The following NTN1 variants were observed in gnomAD, a reference collection of about 807,000 sequenced individuals.
NTN1 encodes the protein netrin-1.
Under a neutral mutation model 54.2 loss-of-function variants are expected in NTN1, and 11 were observed. The ratio of observed to expected loss-of-function variants is 0.20; its 90% CI spans 0.13 to 0.34. NTN1 has a LOEUF of 0.34. NTN1 is among the 10% of genes least tolerant of loss of function. The probability of loss-of-function intolerance (pLI) is 1.00; values close to 1 mark genes in which losing one functional copy is unlikely to be tolerated. For synonymous variants in NTN1, 371 were observed against 382.0 expected (o/e 0.97, Z 0.33); for missense variants, 740 against 893.1 (o/e 0.83, Z 2.18).
At chr17:9,137,618 C>T (rs887247914) in intron 2 of NTN1, among the ~76,000 whole-genome samples, 1 of 152,110 alleles carries the variant, frequency 6.6e-6, no homozygotes, top group African/African-American at 2.4e-5. Context: ...CATGGTGAAA[C>T]CCTGTCTCTA....
chr17:9,060,102 G>A (rs909788854), intron 2 of NTN1, among the ~76,000 whole-genome samples: 1 of 152,064 alleles, frequency 6.6e-6, no homozygotes, highest in Non-Finnish European at 1.5e-5. Flanking sequence ...GTTGGCCCTC[G>A]AACAACACAG....
At chr17:9,218,959 C>G (rs771992354) in intron 5 of NTN1, among the ~76,000 whole-genome samples, 1 of 152,056 alleles carries the variant, frequency 6.6e-6, no homozygotes, top group Non-Finnish European at 1.5e-5. Flanking sequence ...TGAAGGCCAC[C>G]CCTGCAAGAA....
rs1172704292 is a variant in NTN1, at chr17:9,234,964, G to T, written c.1487-4676G>T. On this transcript the variant is annotated intron_variant, in intron 6 of 6. Transcript: ENST00000173229. ...TTTTTTGTCTGTTTTTTGTTTTTTG[G>T]TTTTTTTTTTTTTTTGAGATGGAGT... Among the ~76,000 whole-genome samples the T allele has an allele frequency of 3.7e-3, 485 of 130,076 alleles. 7 individuals are homozygous for T. The highest frequency in any genetic ancestry group is 0.012 in the African/African-American group (421 of 33,908). 85.3% of individuals were successfully genotyped at this position (130,076 alleles called of 152,430 possible). A position where few individuals can be genotyped will look rare whatever the true frequency, so the allele number is the denominator to read the frequency against.
rs117204057 is a variant in NTN1 at position 9,048,511 on chromosome 17, C to T, written c.1018+25120C>T. 6.1e-4 allele frequency among the ~76,000 whole-genome samples: 93 copies of T among 152,244 alleles called. No individual in the cohort carries two copies. The East Asian group carries it at 0.015, about 25-fold the overall frequency. On this transcript the variant is annotated intron_variant, in intron 2 of 6. Transcript: ENST00000173229. ...AAATGAGCATTGGCTTTAACTTAAACTCACCTGCTGTATTAGCCCCTACAT... is the reference window on the plus strand; with the variant it reads ...AAATGAGCATTGGCTTTAACTTAAATTCACCTGCTGTATTAGCCCCTACAT...
intron 2 of NTN1, among the ~76,000 whole-genome samples, chr17:9,118,188 A>G (rs1157669667): frequency 6.6e-6 from 1 of 152,196 alleles, no homozygotes; most frequent in Non-Finnish European, 1.5e-5. Context: ...AGCTTTATTG[A>G]GATATAATCC....
the NTN1 span, among the ~76,000 whole-genome samples, chr17:9,008,476 C>G: frequency 6.6e-6 from 1 of 151,744 alleles, no homozygotes; most frequent in Non-Finnish European, 1.5e-5. Flanking sequence ...TGTGTCACCA[C>G]GCCCAGCTGA....
intron 2 of NTN1, among the ~76,000 whole-genome samples, chr17:9,079,556 C>T (rs1194563348): frequency 6.6e-6 from 1 of 152,206 alleles, no homozygotes; most frequent in Non-Finnish European, 1.5e-5. Flanking sequence ...ATTTTCTGGC[C>T]CTTGAGGAAG....
chr17:9,149,115 C>T (rs1356152465), intron 2 of NTN1, among the ~76,000 whole-genome samples: 8 of 152,184 alleles, frequency 5.3e-5, no homozygotes, highest in Non-Finnish European at 1.0e-4. Context: ...TGACGGGAGC[C>T]ATTACAGATG....
At chr17:9,067,935 CAT>C (rs2092020540) in intron 2 of NTN1, among the ~76,000 whole-genome samples, 1 of 152,148 alleles carries the variant, frequency 6.6e-6, no homozygotes, top group Admixed American at 6.5e-5. Flanking sequence ...TTGAAGATAT[CAT>C]AAACCGGGCA....
rs118081951 is a variant in NTN1 at position 9,220,168 on chromosome 17, G to T, written c.1412-1000G>T. On this transcript the variant is annotated intron_variant, in intron 5 of 6. Coordinates refer to ENST00000173229, the MANE Select transcript of NTN1 (RefSeq NM_004822.3). ...TTGGCATCTCAGGCCAGCCTTGGCAGTAGCTACCCAGAGTGCACTGGGCAG... is the reference window on the plus strand; with the variant it reads ...TTGGCATCTCAGGCCAGCCTTGGCATTAGCTACCCAGAGTGCACTGGGCAG... Among the ~76,000 whole-genome samples, 5 of 152,378 alleles carry T rather than the reference G, an allele frequency of 3.3e-5. No individual in the cohort carries two copies. In the East Asian group the frequency reaches 9.6e-4, roughly 29 times the overall value.
At chr17:9,227,253 CTT>C (rs1294537791) in intron 6 of NTN1, among the ~76,000 whole-genome samples, 2 of 151,184 alleles carry the variant, frequency 1.3e-5, no homozygotes, top group Admixed American at 6.6e-5. Context: ...CACACACACA[CTT>C]TATCACACAG....
intron 2 of NTN1, among the ~76,000 whole-genome samples, chr17:9,048,763 TCTCCTGC>T (rs2091949674): frequency 6.6e-6 from 1 of 152,066 alleles, no homozygotes; most frequent in South Asian, 2.1e-4. Context: ...TTCAAGCAAT[TCTCCTGC>T]CTCAGCCTTC....
At chr17:9,023,544 T>A (rs1245107912) in intron 2 of NTN1, among the ~76,000 whole-genome samples, 153 bp downstream of exon 2, 2 of 152,332 alleles carry the variant, frequency 1.3e-5, no homozygotes, top group East Asian at 3.9e-4. Context: ...TCAGAGCAGG[T>A]CCACTCGCTC....
intron 2 of NTN1, among the ~76,000 whole-genome samples, chr17:9,067,007 A>AC (rs1363072055): frequency 6.6e-6 from 1 of 150,676 alleles, no homozygotes; most frequent in Non-Finnish European, 1.5e-5. Flanking sequence ...TCAAAAAAAA[A>AC]AAAAAAAAGG....
chr17:9,191,754 C>A (rs935777339), intron 5 of NTN1, among the ~76,000 whole-genome samples: 18 of 150,374 alleles, frequency 1.2e-4, no homozygotes, highest in African/African-American at 3.7e-4. Flanking sequence ...AGGGATGGAG[C>A]ATGTGGCTCA....
intron 2 of NTN1, among the ~76,000 whole-genome samples, chr17:9,093,037 C>T (rs978058859): frequency 9.9e-5 from 15 of 152,198 alleles, no homozygotes; most frequent in African/African-American, 3.1e-4. Flanking sequence ...AGATTACAGG[C>T]GTGAGCCACT....
In NTN1 at chr17:9,241,190, C is replaced by G. The variant is rs1906201620; in HGVS notation, c.*1222C>G. 1 of 152,444 alleles carries G rather than the reference C, an allele frequency of 6.6e-6. No individual in the cohort carries two copies. The highest frequency in any genetic ancestry group is 1.5e-5 in the Non-Finnish European group (1 of 68,216). 9.4% of individuals were successfully genotyped at this position (152,444 alleles called of 1,614,324 possible). The stretch of plus-strand genomic sequence containing the variant: ...CAGGGGCACAGGAATGACCAGGTTC[C>G]TGGGGGCCAAGGAGGCCATGCTGGC... On this transcript the variant is annotated 3_prime_UTR_variant, in exon 7 of 7. Transcript: ENST00000173229.
rs368332159 is a variant in NTN1 at position 9,098,544 on chromosome 17, G to A, written c.1019-64269G>A. On this transcript the variant is annotated intron_variant, in intron 2 of 6. Transcript: ENST00000173229. The stretch of plus-strand genomic sequence containing the variant: ...AGACTGCTGAAACCATGGCACTGGC[G>A]AGAACCTCATCTGTGAGGTTCCTGT... Among the ~76,000 whole-genome samples, 9 of 152,332 alleles carry A rather than the reference G, an allele frequency of 5.9e-5. No individual in the cohort carries two copies. In the East Asian group the frequency reaches 7.7e-4, roughly 13 times the overall value.
intron 2 of NTN1, among the ~76,000 whole-genome samples, chr17:9,062,828 C>T (rs908750129): frequency 2.0e-5 from 3 of 152,114 alleles, no homozygotes; most frequent in African/African-American, 7.2e-5. Context: ...GGTGTCACAA[C>T]GTCAGCTCGT....
Sources: allele counts gnomAD v4.1 joint callset (sites outside exome capture counted in the v4.1 genomes callset), GRCh38; gene constraint gnomAD v4.1.1; transcripts MANE v1.5; gene names NCBI Gene and HGNC (gene_info 2026-07-23, HGNC 2026-07-21).